Variants in AHCYL2 observed in about 807,000 individuals in gnomAD.
AHCYL2 encodes S-adenosylhomocysteine hydrolase-like protein 2.
In AHCYL2, 28 loss-of-function variants were observed where a neutral mutation model predicts 81.4. The observed-to-expected ratio is 0.34, with a 90% confidence interval of 0.25 to 0.47. AHCYL2 has a LOEUF of 0.47. AHCYL2 is among the 20% of genes least tolerant of loss of function. The pLI is 1.00. For synonymous variants in AHCYL2, 272 were observed against 290.2 expected (o/e 0.94, Z 0.64); for missense variants, 551 against 785.1 (o/e 0.70, Z 3.56).
intron 1 of AHCYL2, among the ~76,000 whole-genome samples, chr7:129,335,702 G>A (rs1462882777): frequency 6.6e-6 from 1 of 152,190 alleles, no homozygotes; most frequent in East Asian, 1.9e-4. Flanking sequence ...GTGTCTGCAT[G>A]TAGTCTTTCC....
At chr7:129,350,850 C>T (rs1451010625) in intron 1 of AHCYL2, among the ~76,000 whole-genome samples, 3 of 151,036 alleles carry the variant, frequency 2.0e-5, no homozygotes, top group Non-Finnish European at 4.4e-5. Context: ...ATTAGAGGCT[C>T]CCGCCATGAT....
At chr7:129,367,151 C>T (rs868408290) in intron 1 of AHCYL2, among the ~76,000 whole-genome samples, 21 of 152,264 alleles carry the variant, frequency 1.4e-4, no homozygotes, top group African/African-American at 5.1e-4. Context: ...GCAGTTCCAG[C>T]TTGACTTTTC....
intron 1 of AHCYL2, among the ~76,000 whole-genome samples, chr7:129,325,187 A>G (rs1222364099): frequency 6.6e-6 from 1 of 151,676 alleles, no homozygotes; most frequent in Non-Finnish European, 1.5e-5. Flanking sequence ...GACTTCCTTT[A>G]ATGTTTCTTG....
At chr7:129,356,214 A>C (rs1387075639) in intron 1 of AHCYL2, among the ~76,000 whole-genome samples, 3 of 152,180 alleles carry the variant, frequency 2.0e-5, no homozygotes, top group African/African-American at 7.2e-5. Context: ...GTTGACCTCA[A>C]AGTTGCTCTC....
chr7:129,348,117 G>A (rs906490367), intron 1 of AHCYL2, among the ~76,000 whole-genome samples: 15 of 152,202 alleles, frequency 9.9e-5, no homozygotes, highest in Non-Finnish European at 1.2e-4. Flanking sequence ...TATGTAGAAT[G>A]CATTACATTC....
chr7:129,366,449 C>T (rs555555352), intron 1 of AHCYL2, among the ~76,000 whole-genome samples: 1 of 152,264 alleles, frequency 6.6e-6, no homozygotes, highest in Non-Finnish European at 1.5e-5. Flanking sequence ...CTGTGAACCC[C>T]AAACATCTGA....
chr7:129,255,175 C>T (rs555334915), intron 1 of AHCYL2, among the ~76,000 whole-genome samples: 13 of 151,338 alleles, frequency 8.6e-5, no homozygotes, highest in African/African-American at 2.4e-4. Context: ...GCAGGAGAAT[C>T]GCTTGAACCT....
rs550873368 is a variant in AHCYL2 at position 129,292,300 on chromosome 7, G to A, written c.363+66861G>A. On this transcript the variant is annotated intron_variant, in intron 1 of 16. Coordinates refer to ENST00000325006, the MANE Select transcript of AHCYL2 (RefSeq NM_015328.4). ...CTTTGCTTCATTGTCATGAATTTAT[G>A]CGTGGATAAAGATAAAATAAGTCAC... Among the ~76,000 whole-genome samples the A allele has an allele frequency of 2.0e-5, 3 of 152,270 alleles. No individual in the cohort carries two copies. In the East Asian group the frequency reaches 5.8e-4, roughly 29 times the overall value.
intron 1 of AHCYL2, among the ~76,000 whole-genome samples, chr7:129,356,670 A>G (rs1433253527): frequency 6.6e-6 from 1 of 152,250 alleles, no homozygotes; most frequent in Non-Finnish European, 1.5e-5. Flanking sequence ...CAGAAAAATT[A>G]GAAAACAGAC....
chr7:129,326,030 A>G (rs1377550028), intron 1 of AHCYL2, among the ~76,000 whole-genome samples: 1 of 152,128 alleles, frequency 6.6e-6, no homozygotes, highest in Non-Finnish European at 1.5e-5. Context: ...TGATTTTTAA[A>G]TGACTCCATA....
intron 1 of AHCYL2, among the ~76,000 whole-genome samples, chr7:129,248,490 T>C (rs1259318521): frequency 7.1e-6 from 1 of 141,462 alleles, no homozygotes; most frequent in East Asian, 2.1e-4. Flanking sequence ...TGTTGTGTTG[T>C]TACTATTTTT....
intron 1 of AHCYL2, among the ~76,000 whole-genome samples, chr7:129,304,021 A>G (rs1403527208): frequency 6.6e-6 from 1 of 152,312 alleles, no homozygotes; most frequent in African/African-American, 2.4e-5. Flanking sequence ...TGGGAGCTGG[A>G]GGTTGCATTG....
intron 1 of AHCYL2, among the ~76,000 whole-genome samples, chr7:129,326,695 C>T (rs973684315): frequency 6.6e-6 from 1 of 151,874 alleles, no homozygotes; most frequent in African/African-American, 2.4e-5. Flanking sequence ...AAGAAACTCA[C>T]CATATGAAGA....
chr7:129,416,276 A>C (rs1331898664), intron 12 of AHCYL2, among the ~76,000 whole-genome samples: 2 of 152,228 alleles, frequency 1.3e-5, no homozygotes, highest in Admixed American at 6.5e-5. Context: ...TATGATTGCT[A>C]TATGCCAGCT....
In AHCYL2 at chr7:129,401,539, T is replaced by C. The variant is rs187549863; in HGVS notation, c.918+1155T>C. 4.6e-5 allele frequency among the ~76,000 whole-genome samples: 7 copies of C among 152,320 alleles called. No individual in the cohort carries two copies. The East Asian group carries it at 1.4e-3, about 29-fold the overall frequency. On this transcript the variant is annotated intron_variant, in intron 6 of 16. Coordinates refer to ENST00000325006, the MANE Select transcript of AHCYL2 (RefSeq NM_015328.4). ...GCATGGCAGAGAAGTAGCTTCTTTC[T>C]GAATTCTGTGATCCAGGTCACACTG...
chr7:129,364,369 A>T (rs995017612), intron 1 of AHCYL2, among the ~76,000 whole-genome samples: 7 of 152,196 alleles, frequency 4.6e-5, no homozygotes, highest in Non-Finnish European at 8.8e-5. Flanking sequence ...ATCTCGGCTC[A>T]CTGCAACCTC....
chr7:129,305,743 T>C (rs190597424), intron 1 of AHCYL2, among the ~76,000 whole-genome samples: 269 of 152,352 alleles, frequency 1.8e-3, no homozygotes, highest in African/African-American at 5.8e-3. Context: ...TCTTTCAGAT[T>C]GAAGAACTCA....
chr7:129,418,589 G>T (rs539261058), intron 12 of AHCYL2, among the ~76,000 whole-genome samples: 1 of 151,990 alleles, frequency 6.6e-6, no homozygotes, highest in Non-Finnish European at 1.5e-5. Context: ...ATGAGCCACC[G>T]CGCCCAGCCG....
At chr7:129,346,322 A>G (rs1048447839) in intron 1 of AHCYL2, among the ~76,000 whole-genome samples, 10 of 152,186 alleles carry the variant, frequency 6.6e-5, no homozygotes, top group African/African-American at 2.2e-4. Flanking sequence ...CAACTGTTAA[A>G]AACAGTGGTA....
Sources: allele counts gnomAD v4.1 joint callset (sites outside exome capture counted in the v4.1 genomes callset), GRCh38; gene constraint gnomAD v4.1.1; transcripts MANE v1.5; gene names NCBI Gene and HGNC (gene_info 2026-07-23, HGNC 2026-07-21).